Variants in TMEM232 observed in about 807,000 individuals in gnomAD.
TMEM232 encodes transmembrane protein 232.
A neutral mutation model predicts 78.8 loss-of-function variants in TMEM232; 80 were observed. That is an observed-to-expected ratio of 1.01 (90% CI 0.85 to 1.22). The LOEUF (loss-of-function observed/expected upper bound fraction) is 1.22. TMEM232 is among the 50% of genes most tolerant of loss of function. TMEM232 has a pLI of 0.00. For missense variants in TMEM232, 881 were observed against 742.2 expected, an observed-to-expected ratio of 1.19 and a Z score of -2.17; for synonymous variants, 297 against 254.3, an observed-to-expected ratio of 1.17 and a Z score of -1.60.
intron 2 of TMEM232, among the ~76,000 whole-genome samples, chr5:110,651,195 T>A (rs1437624144): frequency 6.6e-6 from 1 of 152,094 alleles, no homozygotes; most frequent in Non-Finnish European, 1.5e-5. Flanking sequence ...TGGGAGAGAA[T>A]ATACATCCAA....
chr5:110,436,000 T>C (rs1758391246), intron 12 of TMEM232, among the ~76,000 whole-genome samples: 3 of 152,024 alleles, frequency 2.0e-5, no homozygotes, highest in Non-Finnish European at 4.4e-5. Flanking sequence ...GATCATGTGA[T>C]AGCTTTACTT....
At chr5:110,433,702 A>C (rs962474248) in intron 12 of TMEM232, among the ~76,000 whole-genome samples, 3 of 151,808 alleles carry the variant, frequency 2.0e-5, no homozygotes, top group African/African-American at 7.3e-5. Context: ...ATTTTATCAA[A>C]TGCATTTGCT....
intron 12 of TMEM232, among the ~76,000 whole-genome samples, chr5:110,523,216 T>C (rs923696758): frequency 6.6e-6 from 1 of 152,226 alleles, no homozygotes; most frequent in African/African-American, 2.4e-5. Context: ...GTGTCTCTTA[T>C]GATCCTTATA....
In TMEM232 at chr5:110,585,276, C is replaced by A. The variant is rs147474334; in HGVS notation, c.1277-16651G>T. On this transcript the variant is annotated intron_variant, in intron 10 of 13. Transcript: ENST00000455884. ...ACTTTTAGTTTGAACATGTACAGGG[C>A]TAGATTAAAATTATTTAGTAGGAAT... Among the ~76,000 whole-genome samples the A allele has an allele frequency of 8.7e-4, 133 of 152,168 alleles. 5 individuals are homozygous for A. The East Asian group carries it at 0.024, about 28-fold the overall frequency.
At position 110,609,462 on chromosome 5, in the gene TMEM232, T is replaced by C. The variant is rs1458376840; in HGVS notation, c.903-3175A>G. On this transcript the variant is annotated intron_variant, in intron 8 of 13. Coordinates refer to ENST00000455884, the MANE Select transcript of TMEM232 (RefSeq NM_001039763.4). ...ATCAGAGAAAGTGCAGCCAATCCTT[T>C]ATCTTAAGGTACTGATTTTTTTTTT... Among the ~76,000 whole-genome samples the C allele has an allele frequency of 6.6e-5, 10 of 152,140 alleles. No homozygotes were observed. In the East Asian group the frequency reaches 1.9e-3, roughly 29 times the overall value.
At chr5:110,606,310 G>C (rs1781535587) in intron 8 of TMEM232, 23 bp from the exon 9 acceptor site, 1 of 1,498,404 alleles carries the variant, frequency 6.7e-7, no homozygotes, top group African/African-American at 1.4e-5. Context: ...TGGACGAAAG[G>C]ATAAAGATTT....
At chr5:110,584,778 C>A (rs1202404210) in intron 10 of TMEM232, among the ~76,000 whole-genome samples, 2 of 152,010 alleles carry the variant, frequency 1.3e-5, no homozygotes. Context: ...ATAATTCTTA[C>A]TACTGTAACA....
intron 2 of TMEM232, 125 bp downstream of exon 2, chr5:110,667,102 CA>C (rs1790692347): frequency 1.3e-6 from 1 of 746,904 alleles, no homozygotes; most frequent in Non-Finnish European, 2.0e-6. Context: ...GGCTATTAAA[CA>C]AATAGTAAAC....
At chr5:110,730,865 C>T (rs1167123707), upstream of TMEM232, among the ~76,000 whole-genome samples, 4 of 152,154 alleles carry the variant, frequency 2.6e-5, no homozygotes, top group Admixed American at 2.0e-4. Context: ...CATGTCCTCA[C>T]ATTTAAAAAC....
intron 10 of TMEM232, among the ~76,000 whole-genome samples, chr5:110,598,172 A>T (rs1780419474): frequency 6.6e-6 from 1 of 152,204 alleles, no homozygotes; most frequent in Non-Finnish European, 1.5e-5. Flanking sequence ...AGAAAAAAAC[A>T]AACAACCCCA....
intron 12 of TMEM232, among the ~76,000 whole-genome samples, chr5:110,444,210 C>T (rs988302614): frequency 1.3e-5 from 2 of 152,054 alleles, no homozygotes; most frequent in Non-Finnish European, 2.9e-5. Flanking sequence ...TACCTCGGAC[C>T]CTAGAGCACT....
chr5:110,667,404 C>T (rs1194291301), intron 1 of TMEM232, 40 bp from the exon 2 acceptor site: 6 of 1,389,312 alleles, frequency 4.3e-6, no homozygotes, highest in Non-Finnish European at 5.7e-6. Flanking sequence ...TACAAATGCA[C>T]TCATAGTATC....
intron 10 of TMEM232, among the ~76,000 whole-genome samples, chr5:110,597,042 G>C (rs1780256595): frequency 6.6e-6 from 1 of 152,098 alleles, no homozygotes; most frequent in African/African-American, 2.4e-5. Context: ...AGGAAATAAA[G>C]GGTATTCAAA....
chr5:110,726,405 T>C lies in TMEM232; in HGVS notation c.-13+222A>G, dbSNP rs550596859. On this transcript the variant is annotated intron_variant, in intron 1 of 13. Coordinates refer to ENST00000455884, the MANE Select transcript of TMEM232 (RefSeq NM_001039763.4). ...CCCCTATCAAACGACCTGGTGGCTT[T>C]TCCAGGATGGACTGCTTAGACTCTT... Among the ~76,000 whole-genome samples the C allele has an allele frequency of 6.0e-4, 92 of 152,246 alleles. No individual in the cohort carries two copies. In the South Asian group the frequency reaches 0.019, roughly 31 times the overall value.
chr5:110,723,801 G>A (rs1016955872), intron 1 of TMEM232, among the ~76,000 whole-genome samples: 1 of 152,120 alleles, frequency 6.6e-6, no homozygotes, highest in East Asian at 1.9e-4. Context: ...AGCTTAGTAG[G>A]GGATGTTGGT....
chr5:110,405,732 A>G (rs1190345756), intron 2 of TMEM232, among the ~76,000 whole-genome samples: 2 of 111,592 alleles, frequency 1.8e-5, no homozygotes, highest in East Asian at 5.1e-4. Flanking sequence ...GACACAGTTT[A>G]AAAAAAAAAA....
chr5:110,691,420 AG>A (rs1794106989), intron 1 of TMEM232, among the ~76,000 whole-genome samples: 1 of 152,238 alleles, frequency 6.6e-6, no homozygotes, highest in Admixed American at 6.5e-5. Context: ...GAGCTACAAA[AG>A]GGATGTAATT....
At chr5:110,467,795 A>G (rs532392324) in intron 12 of TMEM232, among the ~76,000 whole-genome samples, 6 of 152,348 alleles carry the variant, frequency 3.9e-5, no homozygotes, top group South Asian at 2.1e-4. Flanking sequence ...TCCATGATCA[A>G]TGTGTCCACA....
intron 10 of TMEM232, among the ~76,000 whole-genome samples, chr5:110,588,101 C>A (rs948452451): frequency 2.6e-5 from 4 of 151,894 alleles, no homozygotes; most frequent in Non-Finnish European, 4.4e-5. Context: ...TTCTAAGATT[C>A]CAATTAACTC....
Sources: gnomAD v4.1 joint callset for allele counts (sites outside exome capture counted in the v4.1 genomes callset) on GRCh38, gnomAD v4.1.1 for gene constraint, MANE v1.5 for transcripts, NCBI Gene and HGNC (gene_info 2026-07-23, HGNC 2026-07-21) for gene names.